Variants in NUDT17 observed in about 807,000 individuals in gnomAD.
NUDT17 encodes nudix hydrolase 17, also known as m7GpppN-mRNA hydrolase NUDT17.
Under a neutral mutation model 38.6 loss-of-function variants are expected in NUDT17, and 38 were observed. The ratio of observed to expected loss-of-function variants is 0.98; its 90% CI spans 0.76 to 1.29. NUDT17 has a LOEUF of 1.29. NUDT17 is among the 50% of genes most tolerant of loss of function. The pLI is 0.00. For missense variants in NUDT17, 462 were observed against 415.2 expected, an observed-to-expected ratio of 1.11 and a Z score of -0.98; for synonymous variants, 192 against 167.8, an observed-to-expected ratio of 1.14 and a Z score of -1.11.
At chr1:145,846,534 G>T (rs1652688157) in intron 3 of NUDT17, 64 bp from the exon 4 acceptor site, 1 of 1,601,164 alleles carries the variant, frequency 6.2e-7, no homozygotes, top group Non-Finnish European at 8.6e-7. Flanking sequence ...TGAGGGAGAG[G>T]CAAGCAAAAG....
intron 6 of NUDT17, among the ~76,000 whole-genome samples, 177 bp from the exon 7 acceptor site, chr1:145,847,935 G>A (rs1251766301): frequency 6.6e-6 from 1 of 152,190 alleles, no homozygotes; most frequent in Non-Finnish European, 1.5e-5. Flanking sequence ...AGGTCTAAGT[G>A]TCAGTTCTAA....
In NUDT17 at chr1:145,847,640, G is replaced by A. The variant is rs782376396; in HGVS notation, c.652G>A (p.Val218Ile). The A allele has an allele frequency of 2.5e-6, 4 of 1,614,076 alleles. No individual in the cohort carries two copies. Among genetic ancestry groups the A allele is most frequent in the Non-Finnish European group, 3.4e-6 (4 of 1,180,004 alleles). ...CGCCCTTATGTGGCTGACACCAGATGTAGCTGCTGCAGTGGCTGCCGCAGA... is the reference window on the plus strand; with the variant it reads ...CGCCCTTATGTGGCTGACACCAGATATAGCTGCTGCAGTGGCTGCCGCAGA... Reference protein sequence around the residue: ...VSALMWLTPDVAAAVAAAEDG... With the variant: ...VSALMWLTPDIAAAVAAAEDG... Residue 218 changes from valine to isoleucine, a missense_variant, in exon 6 of 8, where the codon GTA (valine) becomes ATA (isoleucine). By Grantham distance (29) the Val-to-Ile change is conservative. Coordinates refer to ENST00000334513, the MANE Select transcript of NUDT17 (RefSeq NM_001012758.3).
At chr1:145,848,313 G>C in intron 7 of NUDT17, 49 bp downstream of exon 7, 1 of 1,613,208 alleles carries the variant, frequency 6.2e-7, no homozygotes, top group South Asian at 1.1e-5. Context: ...GGCTGGAATG[G>C]TCTAGTTTTT....
chr1:145,846,636 T>C lies in NUDT17; in HGVS notation c.441T>C (p.Ser147=). 1.9e-6 allele frequency: 3 copies of C among 1,613,878 alleles called. No individual in the cohort carries two copies. The highest frequency in any genetic ancestry group is 1.7e-6 in the Non-Finnish European group (2 of 1,179,920). The change falls in exon 4 of 8, where the codon AGT becomes AGC. Residue 147 remains serine, a synonymous_variant. Transcript: ENST00000334513. ...DGGLRELWEE[S]GLHLPQGQFS... is the part of the protein sequence containing the mutation. Reference sequence around the variant, plus strand: ...GGCTTCGAGAACTTTGGGAGGAGAGTGGACTACACCTGCCCCAGGGCCAGT... The same window carrying C: ...GGCTTCGAGAACTTTGGGAGGAGAGCGGACTACACCTGCCCCAGGGCCAGT...
At position 145,846,261 on chromosome 1, in the gene NUDT17, T is replaced by C. The variant is rs782558643; in HGVS notation, c.376+65T>C. 28 of 1,515,004 alleles carry C rather than the reference T, an allele frequency of 1.8e-5. No individual in the cohort carries two copies. In the African/African-American group the frequency reaches 3.7e-4, roughly 20 times the overall value. The allele number at this position is 1,515,004 out of a possible 1,614,324, so 93.8% of individuals were successfully genotyped here. On this transcript the variant is annotated intron_variant, in intron 2 of 7. Transcript: ENST00000334513. Reference sequence around the variant, plus strand: ...AATTTGCCCTTTCCCCGCAACAATGTTTTTCCCAGTCTCAGAAGGATAAAG... The same window carrying C: ...AATTTGCCCTTTCCCCGCAACAATGCTTTTCCCAGTCTCAGAAGGATAAAG...
intron 6 of NUDT17, 21 bp from the exon 7 acceptor site, chr1:145,848,091 A>T (rs782814163): frequency 1.2e-6 from 2 of 1,612,622 alleles, no homozygotes; most frequent in Non-Finnish European, 1.7e-6. Flanking sequence ...CACAGCCCCA[A>T]CAGGAGTTGT....
chr1:145,848,092 CAGG>C lies in NUDT17; in HGVS notation c.732-17_732-15del. 2 of 1,612,638 alleles carry C rather than the reference CAGG, an allele frequency of 1.2e-6. No homozygotes were observed. The highest frequency in any genetic ancestry group is 2.2e-5 in the East Asian group (1 of 44,886). ...TGTAAGCTACAAGGCACAGCCCCAA[CAGG>C]AGTTGTCACCATGCAGTGCAGTGGA... On this transcript the variant is annotated splice_polypyrimidine_tract_variant and intron_variant, in intron 6 of 7. Coordinates refer to ENST00000334513, the MANE Select transcript of NUDT17 (RefSeq NM_001012758.3).
At position 145,845,756 on chromosome 1, in the gene NUDT17, A is replaced by G. The variant is rs2101667893; in HGVS notation, c.116A>G (p.His39Arg). The G allele has an allele frequency of 1.3e-6, 2 of 1,578,394 alleles. No homozygotes were observed. The highest frequency in any genetic ancestry group is 1.7e-6 in the Non-Finnish European group (2 of 1,162,640). ...CCAGGGCTCGGGACGTGGCCCATTC[A>G]CTGCAGCTTGAAGCGAGGACGGCTT... is the stretch of plus-strand genomic sequence containing the variant. The part of the protein sequence containing the change: ...AGPGLGTWPI[H>R]CSLKRGRLVL... The change falls in exon 1 of 8, where the codon CAC (histidine) becomes CGC (arginine). Residue 39 changes from histidine to arginine, a missense_variant. Transcript: ENST00000334513.
chr1:145,848,034 G>C lies in NUDT17; in HGVS notation c.732-78G>C. ...CACCCACCTCCTGTGGTAGTTGGGAGGATTCGGGGACCTAACATATATGTA... is the reference window on the plus strand; with the variant it reads ...CACCCACCTCCTGTGGTAGTTGGGACGATTCGGGGACCTAACATATATGTA... On this transcript the variant is annotated intron_variant, in intron 6 of 7. Transcript: ENST00000334513. 16 of 1,545,700 alleles carry C rather than the reference G, an allele frequency of 1.0e-5. No individual in the cohort carries two copies. In the South Asian group the frequency reaches 1.8e-4, roughly 18 times the overall value.
Position 145,848,630 on chromosome 1 carries a change from G to C in NUDT17, c.*151G>C, listed in dbSNP as rs1470049474. 4 of 630,972 alleles carry C rather than the reference G, an allele frequency of 6.3e-6. No homozygotes were observed. Among genetic ancestry groups the C allele is most frequent in the Non-Finnish European group, 5.5e-6 (2 of 363,886 alleles). 39.1% of individuals were successfully genotyped at this position (630,972 alleles called of 1,614,324 possible). The stretch of plus-strand genomic sequence containing the variant: ...CTTGGCGAGCCTGAAAAAGAAGATT[G>C]GGAAGGAGGGCACAGGGTCCTTCCA... On this transcript the variant is annotated 3_prime_UTR_variant, in exon 8 of 8. Transcript: ENST00000334513.
intron 5 of NUDT17, 92 bp from the exon 6 acceptor site, chr1:145,847,491 C>A: frequency 1.3e-6 from 2 of 1,552,314 alleles, no homozygotes; most frequent in Non-Finnish European, 8.9e-7. Context: ...CTTGCTCCTG[C>A]CTTTCTCCAT....
chr1:145,848,196 A>G lies in NUDT17; in HGVS notation c.816A>G (p.Ala272=). ...TCCTGCGGATGATCCCAACCATGGC[A>G]GAGGACAAAGAGAGAGTCAGCACTG... is the stretch of plus-strand genomic sequence containing the variant. ...STLLRMIPTM[A]EDKERVSTGT... The change falls in exon 7 of 8, where the codon GCA becomes GCG. Residue 272 remains alanine, a synonymous_variant. Coordinates refer to ENST00000334513, the MANE Select transcript of NUDT17 (RefSeq NM_001012758.3). The G allele has an allele frequency of 6.2e-7, 1 of 1,614,204 alleles. No individual in the cohort carries two copies. Among genetic ancestry groups the G allele is most frequent in the Non-Finnish European group, 8.5e-7 (1 of 1,180,028 alleles).
chr1:145,847,847 ATAAT>A (rs1450300214), intron 6 of NUDT17, 128 bp downstream of exon 6: 1 of 954,540 alleles, frequency 1.0e-6, no homozygotes, highest in Non-Finnish European at 1.6e-6. Context: ...GGGTCAGCTG[ATAAT>A]TAAGAAGGTA....
intron 3 of NUDT17, 26 bp from the exon 4 acceptor site, chr1:145,846,572 T>C: frequency 1.2e-6 from 2 of 1,611,146 alleles, no homozygotes; most frequent in Non-Finnish European, 1.7e-6. Flanking sequence ...CACTGGCCCC[T>C]CTGATGTGTC....
intron 1 of NUDT17, 32 bp downstream of exon 1, chr1:145,845,864 G>C: frequency 2.6e-6 from 4 of 1,554,388 alleles, no homozygotes; most frequent in East Asian, 4.7e-5. Flanking sequence ...AGCGGGGGCA[G>C]TGAAGGGCCA....
At chr1:145,848,023 G>A in intron 6 of NUDT17, 89 bp from the exon 7 acceptor site, 2 of 1,432,378 alleles carry the variant, frequency 1.4e-6, no homozygotes, top group East Asian at 2.3e-5. Context: ...CACCTCCTGT[G>A]GTAGTTGGGA....
Position 145,846,633 on chromosome 1 carries a change from G to C in NUDT17, c.438G>C (p.Glu146Asp). Residue 146 changes from glutamate (E) to aspartate (D), a missense_variant, in exon 4 of 8, where the codon GAG becomes GAC. Glu to Asp is a conservative substitution (Grantham distance 45). Coordinates refer to ENST00000334513, the MANE Select transcript of NUDT17 (RefSeq NM_001012758.3). Reference protein sequence around the residue: ...LDGGLRELWEESGLHLPQGQF... With the variant: ...LDGGLRELWEDSGLHLPQGQF... Reference sequence around the variant, plus strand: ...GAGGGCTTCGAGAACTTTGGGAGGAGAGTGGACTACACCTGCCCCAGGGCC... The same window carrying C: ...GAGGGCTTCGAGAACTTTGGGAGGACAGTGGACTACACCTGCCCCAGGGCC... 6.2e-7 allele frequency: 1 copy of C among 1,614,198 alleles called. No individual in the cohort carries two copies. The highest frequency in any genetic ancestry group is 8.5e-7 in the Non-Finnish European group (1 of 1,180,006).
At chr1:145,846,221 C>T in intron 2 of NUDT17, 25 bp downstream of exon 2, 2 of 1,562,456 alleles carry the variant, frequency 1.3e-6, no homozygotes, top group East Asian at 2.4e-5. Flanking sequence ...GACAAGGCCC[C>T]AAGTACAGAG....
At position 145,845,660 on chromosome 1, in the gene NUDT17, A is replaced by C; in HGVS notation, c.20A>C (p.Gln7Pro). Reference sequence around the variant, plus strand: ...CGCGTTATGGCCGAGGTGCGGGTGCAGCTGCTCCTGTCCCGGCGTCCGGAG... The same window carrying C: ...CGCGTTATGGCCGAGGTGCGGGTGCCGCTGCTCCTGTCCCGGCGTCCGGAG... MAEVRV[Q>P]LLLSRRPESV... Residue 7 changes from glutamine to proline, a missense_variant, in exon 1 of 8, where the codon CAG becomes CCG. Coordinates refer to ENST00000334513, the MANE Select transcript of NUDT17 (RefSeq NM_001012758.3). 6.5e-7 allele frequency: 1 copy of C among 1,528,502 alleles called. No individual in the cohort carries two copies. Among genetic ancestry groups the C allele is most frequent in the African/African-American group, 1.4e-5 (1 of 72,778 alleles). The allele number at this position is 1,528,502 out of a possible 1,614,324, so 94.7% of individuals were successfully genotyped here.
Sources: allele counts gnomAD v4.1 joint callset (sites outside exome capture counted in the v4.1 genomes callset), GRCh38; gene constraint gnomAD v4.1.1; transcripts MANE v1.5; gene names NCBI Gene and HGNC (gene_info 2026-07-23, HGNC 2026-07-21).